Variants in CPQ observed in about 807,000 individuals in gnomAD.
CPQ encodes Ser-Met dipeptidase.
In CPQ, 37 loss-of-function variants were observed where a neutral mutation model predicts 45.7. The ratio of observed to expected loss-of-function variants is 0.81; its 90% CI spans 0.62 to 1.07. The LOEUF (loss-of-function observed/expected upper bound fraction) is 1.07, where lower values mean the gene tolerates loss of function less well. Ranked by LOEUF, CPQ falls within the 50% of genes least tolerant of loss-of-function variation. The pLI, the probability that CPQ is intolerant of heterozygous loss-of-function variation, is 0.00. For missense variants in CPQ, 537 were observed against 572.9 expected, an observed-to-expected ratio of 0.94 and a Z score of 0.64; for synonymous variants, 186 against 205.8, an observed-to-expected ratio of 0.90 and a Z score of 0.82.
chr8:97,059,476 G>A (rs1810510521), intron 6 of CPQ, among the ~76,000 whole-genome samples: 1 of 152,044 alleles, frequency 6.6e-6, no homozygotes. Flanking sequence ...GCTCTCCCTT[G>A]GGTGCCCAAA....
chr8:97,004,095 G>A (rs1253645848), intron 5 of CPQ, among the ~76,000 whole-genome samples: 2 of 152,198 alleles, frequency 1.3e-5, no homozygotes, highest in African/African-American at 4.8e-5. Flanking sequence ...CGGGAAGACT[G>A]AGGATTGAAA....
At chr8:96,736,947 T>G (rs770483644) in intron 1 of CPQ, among the ~76,000 whole-genome samples, 17 of 152,112 alleles carry the variant, frequency 1.1e-4, no homozygotes, top group Non-Finnish European at 2.4e-4. Flanking sequence ...CTGCTACATC[T>G]GTAGTTGTGT....
Position 96,928,422 on chromosome 8 carries a change from T to C in CPQ, c.850-37513T>C, listed in dbSNP as rs564400029. On this transcript the variant is annotated intron_variant, in intron 4 of 7. Transcript: ENST00000220763. ...ATAAGCCAAAAATTTGGTCCTGATA[T>C]AAATGAGGGGACTGCATGAGAGAGA... 2.4e-3 allele frequency among the ~76,000 whole-genome samples: 364 copies of C among 150,968 alleles called. 4 individuals are homozygous for C. Among genetic ancestry groups the C allele is most frequent in the African/African-American group, 8.5e-3 (349 of 41,082 alleles).
intron 5 of CPQ, among the ~76,000 whole-genome samples, chr8:97,004,396 CA>C (rs1202925443): frequency 6.7e-6 from 1 of 150,148 alleles, no homozygotes; most frequent in Admixed American, 6.6e-5. Flanking sequence ...AACAAAACAA[CA>C]AAAAAACAGA....
intron 2 of CPQ, among the ~76,000 whole-genome samples, chr8:96,825,444 T>C (rs1354779717): frequency 1.3e-5 from 2 of 151,960 alleles, no homozygotes; most frequent in East Asian, 3.9e-4. Flanking sequence ...TTTGGTAAGG[T>C]ATTTGAGCTT....
At chr8:96,983,811 C>A (rs1370089035) in intron 5 of CPQ, among the ~76,000 whole-genome samples, 1 of 150,582 alleles carries the variant, frequency 6.6e-6, no homozygotes, top group Non-Finnish European at 1.5e-5. Flanking sequence ...ATCATAGAAC[C>A]AATTCTTTTT....
chr8:96,753,947 A>G (rs1280136538), intron 1 of CPQ, among the ~76,000 whole-genome samples: 2 of 151,974 alleles, frequency 1.3e-5, no homozygotes, highest in Non-Finnish European at 2.9e-5. Flanking sequence ...GAATTTTATC[A>G]AATGATCTTT....
At chr8:96,797,492 T>C (rs1810947867) in intron 2 of CPQ, among the ~76,000 whole-genome samples, 2 of 152,190 alleles carry the variant, frequency 1.3e-5, no homozygotes, top group Admixed American at 6.5e-5. Context: ...TCTGTGGTTA[T>C]AGGATTAGAA....
chr8:96,683,626 T>C (rs1809181661), intron 1 of CPQ, among the ~76,000 whole-genome samples: 1 of 152,166 alleles, frequency 6.6e-6, no homozygotes, highest in Non-Finnish European at 1.5e-5. Context: ...TATGTTGTTA[T>C]CTATCTCTTG....
chr8:96,932,249 C>T (rs1286771113), intron 4 of CPQ, among the ~76,000 whole-genome samples: 1 of 152,074 alleles, frequency 6.6e-6, no homozygotes, highest in African/African-American at 2.4e-5. Flanking sequence ...CTGCTCTCTT[C>T]CCTTTCTTCC....
intron 7 of CPQ, among the ~76,000 whole-genome samples, chr8:97,140,471 A>G (rs1401337764): frequency 6.6e-6 from 1 of 152,030 alleles, no homozygotes; most frequent in African/African-American, 2.4e-5. Context: ...AAAATTTACA[A>G]TAGCAACAAA....
intron 4 of CPQ, among the ~76,000 whole-genome samples, chr8:96,927,083 C>T (rs769510680): frequency 4.6e-5 from 7 of 152,178 alleles, no homozygotes; most frequent in Non-Finnish European, 7.3e-5. Context: ...TTCTGTTTAA[C>T]GTTGTGAAAT....
At chr8:97,135,168 A>T (rs1167956019) in intron 7 of CPQ, among the ~76,000 whole-genome samples, 1 of 152,190 alleles carries the variant, frequency 6.6e-6, no homozygotes, top group Non-Finnish European at 1.5e-5. Context: ...GCGCACCTAA[A>T]ACTTTTTAGC....
intron 7 of CPQ, among the ~76,000 whole-genome samples, chr8:97,083,669 G>C (rs1417177259): frequency 6.6e-6 from 1 of 152,130 alleles, no homozygotes; most frequent in Non-Finnish European, 1.5e-5. Context: ...ATTGATTATA[G>C]GTGATAAGAG....
At chr8:96,778,625 G>A (rs971386870) in intron 1 of CPQ, among the ~76,000 whole-genome samples, 2 of 152,044 alleles carry the variant, frequency 1.3e-5, no homozygotes, top group African/African-American at 2.4e-5. Flanking sequence ...TTAAAAATAA[G>A]CATTATTATG....
intron 3 of CPQ, among the ~76,000 whole-genome samples, chr8:96,842,342 G>A (rs1156416894): frequency 6.6e-6 from 1 of 152,090 alleles, no homozygotes; most frequent in Non-Finnish European, 1.5e-5. Context: ...ATTGCAATTT[G>A]GGGAGCATAT....
At chr8:96,852,109 G>C (rs1811778733) in intron 3 of CPQ, among the ~76,000 whole-genome samples, 1 of 152,138 alleles carries the variant, frequency 6.6e-6, no homozygotes, top group Non-Finnish European at 1.5e-5. Flanking sequence ...AGCTTCCCAA[G>C]ACTTTGGGAG....
chr8:96,858,505 A>C (rs1417713547), intron 3 of CPQ, among the ~76,000 whole-genome samples: 1 of 152,178 alleles, frequency 6.6e-6, no homozygotes, highest in Non-Finnish European at 1.5e-5. Context: ...CTAATGCAAA[A>C]TTATATTAGC....
At chr8:97,083,393 T>A (rs529466872) in intron 7 of CPQ, among the ~76,000 whole-genome samples, 3 of 152,248 alleles carry the variant, frequency 2.0e-5, no homozygotes, top group Admixed American at 2.0e-4. Context: ...GCCATTGGGT[T>A]CTTAGCATAC....
Sources: allele counts gnomAD v4.1 joint callset (sites outside exome capture counted in the v4.1 genomes callset), GRCh38; gene constraint gnomAD v4.1.1; transcripts MANE v1.5; gene names NCBI Gene and HGNC (gene_info 2026-07-23, HGNC 2026-07-21).